KIRREL3: variants seen among roughly 807,000 people sequenced by gnomAD.
KIRREL3 encodes kin of IRRE-like protein 3.
Under a neutral mutation model 89.7 loss-of-function variants are expected in KIRREL3, and 36 were observed. The ratio of observed to expected loss-of-function variants is 0.40; its 90% confidence interval spans 0.31 to 0.53. The LOEUF is 0.53. Among genes scored for constraint, KIRREL3 ranks in the 20% least tolerant of loss-of-function variants. The pLI, the probability that KIRREL3 is intolerant of heterozygous loss-of-function variation, is 0.49. For synonymous variants in KIRREL3, 445 were observed against 441.4 expected (o/e 1.01, Z -0.10); for missense variants, 864 against 1,056.6 (o/e 0.82, Z 2.53).
chr11:126,922,933 A>G (rs1947414033), intron 1 of KIRREL3, among the ~76,000 whole-genome samples: 1 of 152,126 alleles, frequency 6.6e-6, no homozygotes, highest in South Asian at 2.1e-4. Context: ...GAAGGGCCTC[A>G]TGACTCTGAG....
chr11:126,425,635 T>C lies in KIRREL3; in HGVS notation c.1893+3A>G, dbSNP rs1231840493. 1.9e-6 allele frequency: 3 copies of C among 1,577,450 alleles called. No homozygotes were observed. Among genetic ancestry groups the C allele is most frequent in the Non-Finnish European group, 2.6e-6 (3 of 1,159,902 alleles). The stretch of plus-strand genomic sequence containing the variant: ...GTGTCTTATAACCCGGGGCCCTTCT[T>C]ACCTTCAGGTTCTGAAACTCTTTCT... On this transcript the variant is annotated splice_donor_region_variant and intron_variant, in intron 16 of 16. Transcript: ENST00000525144.
At chr11:126,625,516 A>G (rs780399463) in intron 1 of KIRREL3, among the ~76,000 whole-genome samples, 6 of 152,120 alleles carry the variant, frequency 3.9e-5, no homozygotes, top group Admixed American at 6.5e-5. Flanking sequence ...ATCTTGAAAC[A>G]AGACAAATCC....
rs10893554 is a variant in KIRREL3 at position 126,715,384 on chromosome 11, G to T, written c.56-152472C>A. Among the ~76,000 whole-genome samples, 114,018 of 152,052 alleles carry T rather than the reference G, an allele frequency of 0.75. 43,741 individuals carry two copies. Among genetic ancestry groups the T allele is most frequent in the East Asian group, 0.98 (5,103 of 5,182 alleles). Reference sequence around the variant, plus strand: ...TTCTGCTCTGCCCTGGCCAGCCTCTGAGGGGGTCTCCAAATTAAAATGCAA... The same window carrying T: ...TTCTGCTCTGCCCTGGCCAGCCTCTTAGGGGGTCTCCAAATTAAAATGCAA... On this transcript the variant is annotated intron_variant, in intron 1 of 16. Transcript: ENST00000525144. The surrounding 1 kb of genome is among the most constrained non-coding windows in gnomAD (Gnocchi z 4.4).
In KIRREL3 at chr11:126,571,271, A is replaced by G. The variant is rs1343423519; in HGVS notation, c.56-8359T>C. On this transcript the variant is annotated intron_variant, in intron 1 of 16. Transcript: ENST00000525144. This position sits in a 1 kb window ranked among gnomAD's most constrained non-coding sequence, Gnocchi z 7.7. ...GACACTGCCTGGGATCTTTCTCCCA[A>G]CTGATGAATTGCCTGGAATTCTGAC... 1.3e-5 allele frequency among the ~76,000 whole-genome samples: 2 copies of G among 152,148 alleles called. No homozygotes were observed. Among genetic ancestry groups the G allele is most frequent in the African/African-American group, 4.8e-5 (2 of 41,416 alleles).
At chr11:126,937,741 T>C (rs1317352647) in intron 1 of KIRREL3, among the ~76,000 whole-genome samples, 3 of 150,868 alleles carry the variant, frequency 2.0e-5, no homozygotes, top group East Asian at 1.9e-4. Flanking sequence ...CTACTAAAAA[T>C]ACAAAAAATC....
At chr11:126,665,913 C>T (rs1318181938) in intron 1 of KIRREL3, among the ~76,000 whole-genome samples, 1 of 152,200 alleles carries the variant, frequency 6.6e-6, no homozygotes, top group Non-Finnish European at 1.5e-5. Context: ...AGACCCATCA[C>T]CTTGTGCCAT....
At chr11:126,767,075 G>A (rs1949847687) in intron 1 of KIRREL3, among the ~76,000 whole-genome samples, 1 of 152,230 alleles carries the variant, frequency 6.6e-6, no homozygotes, top group Admixed American at 6.5e-5. Flanking sequence ...AGATATGCCT[G>A]GCCCAGAGGG....
chr11:126,478,641 G>C (rs1413779128), intron 4 of KIRREL3, among the ~76,000 whole-genome samples: 1 of 147,904 alleles, frequency 6.8e-6, no homozygotes, highest in Admixed American at 6.6e-5. Context: ...GCGTGTGTAT[G>C]TGTGTATGTA....
rs1268689606 is a variant in KIRREL3 at position 126,808,809 on chromosome 11, G to A, written c.55+191646C>T. Among the ~76,000 whole-genome samples the A allele has an allele frequency of 1.3e-5, 2 of 152,080 alleles. No homozygotes were observed. Among genetic ancestry groups the A allele is most frequent in the Non-Finnish European group, 2.9e-5 (2 of 68,018 alleles). On this transcript the variant is annotated intron_variant, in intron 1 of 16. Coordinates refer to ENST00000525144, the MANE Select transcript of KIRREL3 (RefSeq NM_032531.4). The surrounding 1 kb of genome is among the most constrained non-coding windows in gnomAD (Gnocchi z 4.1). ...TCTCAGTGCTTCTAGAAAAGATAAGGGGCTCTTGTAAAAAGTTCTACAATT... is the reference window on the plus strand; with the variant it reads ...TCTCAGTGCTTCTAGAAAAGATAAGAGGCTCTTGTAAAAAGTTCTACAATT...
chr11:126,468,159 G>T (rs966214804), intron 5 of KIRREL3, among the ~76,000 whole-genome samples: 1 of 152,182 alleles, frequency 6.6e-6, no homozygotes, highest in Non-Finnish European at 1.5e-5. Context: ...CTGTCCTCTC[G>T]CCCCTCCTCT....
At position 126,811,590 on chromosome 11, in the gene KIRREL3, T is replaced by TC. The variant is rs750429713; in HGVS notation, c.55+188864dup. Reference sequence around the variant, plus strand: ...ACGTTAGCAATGAACTTCTTTTTTTTCTTTTTCTTTTTTGAGATGGAGTTT... The same window carrying TC: ...ACGTTAGCAATGAACTTCTTTTTTTTCCTTTTTCTTTTTTGAGATGGAGTTT... On this transcript the variant is annotated intron_variant, in intron 1 of 16. Coordinates refer to ENST00000525144, the MANE Select transcript of KIRREL3 (RefSeq NM_032531.4). The surrounding 1 kb of genome is among the most constrained non-coding windows in gnomAD (Gnocchi z 4.3). Among the ~76,000 whole-genome samples the TC allele has an allele frequency of 3.9e-5, 6 of 152,230 alleles. No individual in the cohort carries two copies. Among genetic ancestry groups the TC allele is most frequent in the Non-Finnish European group, 8.8e-5 (6 of 68,036 alleles).
chr11:126,737,421 C>T (rs562941691), intron 1 of KIRREL3, among the ~76,000 whole-genome samples: 2 of 151,962 alleles, frequency 1.3e-5, no homozygotes, highest in South Asian at 2.1e-4. Context: ...GCATCACTGC[C>T]CGGGCAGTCT....
rs915444743 is a variant in KIRREL3 at position 126,463,558 on chromosome 11, C to T, written c.592-251G>A. 6.6e-6 allele frequency among the ~76,000 whole-genome samples: 1 copy of T among 152,204 alleles called. No homozygotes were observed. Among genetic ancestry groups the T allele is most frequent in the Non-Finnish European group, 1.5e-5 (1 of 68,036 alleles). On this transcript the variant is annotated intron_variant, in intron 5 of 16. Transcript: ENST00000525144. The surrounding 1 kb of genome is among the most constrained non-coding windows in gnomAD (Gnocchi z 5.9). ...CAGTTTTCCACCATGTGAAAATTAG[C>T]CTGGATTCACATGCTAAAAGCACAA... is the stretch of plus-strand genomic sequence containing the variant.
chr11:126,862,810 CAG>C (rs1445066871), intron 1 of KIRREL3, among the ~76,000 whole-genome samples: 1 of 152,168 alleles, frequency 6.6e-6, no homozygotes, highest in Non-Finnish European at 1.5e-5. Context: ...ATCAATCTGC[CAG>C]AGAGTGATGC....
chr11:126,433,855 A>T (rs918407777), intron 13 of KIRREL3, among the ~76,000 whole-genome samples: 2 of 152,218 alleles, frequency 1.3e-5, no homozygotes, highest in Non-Finnish European at 2.9e-5. Context: ...ATGTCCATGG[A>T]AGGCTCTTAA....
chr11:126,556,082 A>T (rs1939685018), intron 2 of KIRREL3, among the ~76,000 whole-genome samples: 1 of 152,236 alleles, frequency 6.6e-6, no homozygotes, highest in African/African-American at 2.4e-5. Flanking sequence ...TATTTTCAAA[A>T]GGAACATGAC....
intron 1 of KIRREL3, among the ~76,000 whole-genome samples, chr11:126,828,207 T>G (rs762911859): frequency 6.6e-6 from 1 of 152,238 alleles, no homozygotes; most frequent in Non-Finnish European, 1.5e-5. Flanking sequence ...TACTGAGTGC[T>G]TTAACAAGCA....
rs1949767173 is a variant in KIRREL3 at position 126,983,352 on chromosome 11, C to T, written c.55+17103G>A. ...CTATATTTTCTTCTGAAAGGGAGGG[C>T]TCATCTAACGTCTGCCTTTGGTTCT... On this transcript the variant is annotated intron_variant, in intron 1 of 16. Coordinates refer to ENST00000525144, the MANE Select transcript of KIRREL3 (RefSeq NM_032531.4). This position sits in a 1 kb window ranked among gnomAD's most constrained non-coding sequence, Gnocchi z 4.9. Among the ~76,000 whole-genome samples, 2 of 152,198 alleles carry T rather than the reference C, an allele frequency of 1.3e-5. No homozygotes were observed. The highest frequency in any genetic ancestry group is 4.8e-5 in the African/African-American group (2 of 41,450).
chr11:126,598,991 A>C (rs962214975), intron 1 of KIRREL3, among the ~76,000 whole-genome samples: 1 of 152,152 alleles, frequency 6.6e-6, no homozygotes, highest in Non-Finnish European at 1.5e-5. Flanking sequence ...AAACTAAGAA[A>C]TGTGCCTGCC....
Sources: gnomAD v4.1 joint callset for allele counts (sites outside exome capture counted in the v4.1 genomes callset) on GRCh38, gnomAD v4.1.1 for gene constraint, Gnocchi (gnomAD v3.1) non-coding constraint, MANE v1.5 for transcripts, NCBI Gene and HGNC (gene_info 2026-07-23, HGNC 2026-07-21) for gene names.